The following KCTD20 variants were observed in gnomAD, a reference collection of about 807,000 sequenced individuals.
KCTD20 encodes BTB/POZ domain-containing protein KCTD20.
In KCTD20, 30 loss-of-function variants were observed where a neutral mutation model predicts 39.6. The ratio of observed to expected loss-of-function variants is 0.76; its 90% CI spans 0.57 to 1.03. The LOEUF (loss-of-function observed/expected upper bound fraction) is 1.03, where lower values mean the gene tolerates loss of function less well. KCTD20 is among the 50% of genes least tolerant of loss of function. KCTD20 has a pLI of 0.00. For synonymous variants in KCTD20, 162 were observed against 180.6 expected (o/e 0.90, Z 0.83); for missense variants, 422 against 522.0 (o/e 0.81, Z 1.87).
In KCTD20 at chr6:36,484,783, T is replaced by C; in HGVS notation, c.926T>C (p.Leu309Ser). 6.2e-7 allele frequency: 1 copy of C among 1,605,330 alleles called. No homozygotes were observed. The highest frequency in any genetic ancestry group is 1.7e-5 in the Admixed American group (1 of 59,588). Residue 309 changes from leucine to serine, a missense_variant, in exon 7 of 8, where the codon TTA becomes TCA. Physicochemically the swap from Leu to Ser is moderately radical, Grantham distance 145. Transcript: ENST00000373731. ...AATAGGGATGTTGCAAAAACAGTGT[T>C]AAAGGAACGGGGCCTAAAAAACATT... ...IENRDVAKTVLKERGLKNIRI... is the reference protein window; with the variant it reads ...IENRDVAKTVSKERGLKNIRI...
intron 1 of KCTD20, among the ~76,000 whole-genome samples, chr6:36,459,035 G>A (rs534486679): frequency 2.6e-5 from 4 of 152,288 alleles, no homozygotes; most frequent in East Asian, 1.9e-4. Context: ...GCTGGGCACC[G>A]TGGCCCACGC....
chr6:36,470,602 A>AT (rs1343768801), intron 2 of KCTD20, among the ~76,000 whole-genome samples: 4 of 151,666 alleles, frequency 2.6e-5, no homozygotes, highest in Non-Finnish European at 4.4e-5. Flanking sequence ...TTTATTTTTT[A>AT]TTTTTATTTT....
chr6:36,487,391 C>T lies in KCTD20; in HGVS notation c.*216C>T. 1 of 557,220 alleles carries T rather than the reference C, an allele frequency of 1.8e-6. No homozygotes were observed. The highest frequency in any genetic ancestry group is 3.1e-6 in the Non-Finnish European group (1 of 318,978). 34.5% of individuals were successfully genotyped at this position (557,220 alleles called of 1,614,324 possible). ...TGGTAATTAGCTACCATCTTTGCAG[C>T]AGCCCTGGTAACTTGAAAAATTTGG... On this transcript the variant is annotated 3_prime_UTR_variant, in exon 8 of 8. Transcript: ENST00000373731.
In KCTD20 at chr6:36,484,725, T is replaced by G; in HGVS notation, c.868T>G (p.Ser290Ala). The change falls in exon 7 of 8, where the codon TCC (serine) becomes GCC (alanine). Residue 290 changes from serine to alanine, a missense_variant. By Grantham distance (99) the Ser-to-Ala change is moderately conservative. Transcript: ENST00000373731. The stretch of plus-strand genomic sequence containing the variant: ...TTTTTCTTTTTCAGTTCTTTATAGC[T>G]CCAAGCTCTACAGATTCTTCAAATA... ...GEEYSQILYSSKLYRFFKYIE... is the reference protein window; with the variant it reads ...GEEYSQILYSAKLYRFFKYIE... 3 of 1,572,720 alleles carry G rather than the reference T, an allele frequency of 1.9e-6. No homozygotes were observed. Among genetic ancestry groups the G allele is most frequent in the East Asian group, 4.5e-5 (2 of 44,576 alleles).
chr6:36,452,030 CA>C (rs1221203743), intron 1 of KCTD20, among the ~76,000 whole-genome samples: 2 of 151,984 alleles, frequency 1.3e-5, no homozygotes, highest in Admixed American at 1.3e-4. Flanking sequence ...GGGCTGGTCT[CA>C]AACTCCTGAC....
chr6:36,459,494 C>G (rs751380481), intron 1 of KCTD20, among the ~76,000 whole-genome samples: 12 of 152,156 alleles, frequency 7.9e-5, no homozygotes, highest in Non-Finnish European at 1.6e-4. Context: ...TTGATGATGT[C>G]TTAGCGTCAA....
Position 36,484,842 on chromosome 6 carries a change from ATCCC to A in KCTD20, c.967+19_967+22del. The A allele has an allele frequency of 3.9e-6, 5 of 1,291,792 alleles. No homozygotes were observed. The highest frequency in any genetic ancestry group is 1.5e-5 in the African/African-American group (1 of 68,422). 80.0% of individuals were successfully genotyped at this position (1,291,792 alleles called of 1,614,324 possible). A position where few individuals can be genotyped will look rare whatever the true frequency, so the allele number is the denominator to read the frequency against. On this transcript the variant is annotated intron_variant, in intron 7 of 7. Coordinates refer to ENST00000373731, the MANE Select transcript of KCTD20 (RefSeq NM_173562.5). ...AATTGAAGGTAAAAAAAAAAAAAAAATCCCAGTCAACATTCAGGTTGGGTCTATT... is the reference window on the plus strand; with the variant it reads ...AATTGAAGGTAAAAAAAAAAAAAAAAAGTCAACATTCAGGTTGGGTCTATT...
At chr6:36,468,461 G>A (rs1231070848) in intron 1 of KCTD20, among the ~76,000 whole-genome samples, 1 of 152,182 alleles carries the variant, frequency 6.6e-6, no homozygotes, top group Non-Finnish European at 1.5e-5. Context: ...GTTTGAACTT[G>A]GTTCTTGAGC....
chr6:36,481,433 C>A (rs962801130), intron 5 of KCTD20, 129 bp from the exon 6 acceptor site: 2 of 689,958 alleles, frequency 2.9e-6, no homozygotes, highest in African/African-American at 3.5e-5. Flanking sequence ...GAAACAATCT[C>A]TTTGCCTTTA....
At chr6:36,478,813 G>A (rs1776149739) in intron 3 of KCTD20, among the ~76,000 whole-genome samples, 1 of 152,138 alleles carries the variant, frequency 6.6e-6, no homozygotes, top group African/African-American at 2.4e-5. Flanking sequence ...ATTTTCCAAG[G>A]GCCACCTCTG....
Position 36,456,578 on chromosome 6 carries a change from CTTTTTT to C in KCTD20, c.-46-13454_-46-13449del, listed in dbSNP as rs58002986. 7.0e-4 allele frequency among the ~76,000 whole-genome samples: 75 copies of C among 106,962 alleles called. 1 individual carries two copies. Among genetic ancestry groups the C allele is most frequent in the South Asian group, 1.2e-3 (4 of 3,386 alleles). 70.2% of individuals were successfully genotyped at this position (106,962 alleles called of 152,430 possible). ...ACAGGCCTGAGCCACCACGCCCAGG[CTTTTTT>C]TTTTTTTTTTTTTTTTTTTAAGAGC... On this transcript the variant is annotated intron_variant, in intron 1 of 7. Coordinates refer to ENST00000373731, the MANE Select transcript of KCTD20 (RefSeq NM_173562.5).
In KCTD20 at chr6:36,479,822, C is replaced by T. The variant is rs563828592; in HGVS notation, c.658+111C>T. The T allele has an allele frequency of 1.6e-3, 1,327 of 831,934 alleles. 3 individuals are homozygous for T. Among genetic ancestry groups the T allele is most frequent in the Non-Finnish European group, 2.1e-3 (1,226 of 594,174 alleles). The allele number at this position is 831,934 out of a possible 1,614,324, so 51.5% of individuals were successfully genotyped here. ...TTTTTTTTTTTTTGAGACAGAGTCTCGCTCTGTCGCCGAGGCTGGAGTGCA... is the reference window on the plus strand; with the variant it reads ...TTTTTTTTTTTTTGAGACAGAGTCTTGCTCTGTCGCCGAGGCTGGAGTGCA... On this transcript the variant is annotated intron_variant, in intron 5 of 7. Coordinates refer to ENST00000373731, the MANE Select transcript of KCTD20 (RefSeq NM_173562.5).
At chr6:36,448,013 G>GTATATATATATATATATATATA (rs10645937) in intron 1 of KCTD20, among the ~76,000 whole-genome samples, 105 of 128,908 alleles carry the variant, frequency 8.1e-4, no homozygotes, top group African/African-American at 2.1e-3. Flanking sequence ...GTATGTGTGT[G>GTATATATATATATATATATATA]TGTATATATA....
intron 1 of KCTD20, among the ~76,000 whole-genome samples, chr6:36,458,702 G>A (rs1775513552): frequency 6.6e-6 from 1 of 151,536 alleles, no homozygotes; most frequent in South Asian, 2.1e-4. Flanking sequence ...TTTAAAGAAG[G>A]CATTTTTGGC....
rs1247266779 is a variant in KCTD20, at chr6:36,481,682, T to C, written c.779T>C (p.Ile260Thr). The change falls in exon 6 of 8, where the codon ATT becomes ACT. Residue 260 changes from isoleucine to threonine, a missense_variant. By Grantham distance (89) the Ile-to-Thr change is moderately conservative. Coordinates refer to ENST00000373731, the MANE Select transcript of KCTD20 (RefSeq NM_173562.5). Reference protein sequence around the residue: ...CAKKGERECHIVVLTDEDSVD... With the variant: ...CAKKGERECHTVVLTDEDSVD... ...AAGAAAGGAGAACGAGAGTGCCACATTGTTGTGCTGACGGATGAGGATTCT... is the reference window on the plus strand; with the variant it reads ...AAGAAAGGAGAACGAGAGTGCCACACTGTTGTGCTGACGGATGAGGATTCT... 6.2e-7 allele frequency: 1 copy of C among 1,614,132 alleles called. No homozygotes were observed. Among genetic ancestry groups the C allele is most frequent in the South Asian group, 1.1e-5 (1 of 91,078 alleles).
rs779033072 is a variant in KCTD20 at position 36,470,168 on chromosome 6, C to T, written c.71C>T (p.Thr24Ile). The change falls in exon 2 of 8, where the codon ACT (threonine) becomes ATT (isoleucine). Residue 24 changes from threonine to isoleucine, a missense_variant. Physicochemically the swap from Thr to Ile is moderately conservative, Grantham distance 89 (BLOSUM62 -1). Coordinates refer to ENST00000373731, the MANE Select transcript of KCTD20 (RefSeq NM_173562.5). ...GAGGCCAGCTGCTTAGTGGATGATA[C>T]TTTAGCTGTAGCCCAAGAAAAAGAA... ...RQEASCLVDD[T>I]LAVAQEKEAN... is the part of the protein sequence containing the mutation. 6.2e-7 allele frequency: 1 copy of T among 1,614,052 alleles called. No individual in the cohort carries two copies. The highest frequency in any genetic ancestry group is 1.1e-5 in the South Asian group (1 of 91,076).
At position 36,474,782 on chromosome 6, in the gene KCTD20, C is replaced by T; in HGVS notation, c.161-7C>T. The T allele has an allele frequency of 6.3e-7, 1 of 1,591,250 alleles. No individual in the cohort carries two copies. Among genetic ancestry groups the T allele is most frequent in the Non-Finnish European group, 8.6e-7 (1 of 1,167,344 alleles). Reference sequence around the variant, plus strand: ...AGTTGTTTTGGTTTCTTTGTATGTTCTTTTAGACCTCTCACTTGACTATGC... The same window carrying T: ...AGTTGTTTTGGTTTCTTTGTATGTTTTTTTAGACCTCTCACTTGACTATGC... On this transcript the variant is annotated splice_region_variant and splice_polypyrimidine_tract_variant and intron_variant, in intron 2 of 7. Transcript: ENST00000373731.
chr6:36,475,794 A>G (rs1180873645), intron 3 of KCTD20, among the ~76,000 whole-genome samples: 5 of 152,186 alleles, frequency 3.3e-5, no homozygotes, highest in Admixed American at 2.6e-4. Context: ...GCATGGCACA[A>G]GAACAAAGCT....
Position 36,489,786 on chromosome 6 carries a change from G to A in KCTD20, c.*2611G>A, listed in dbSNP as rs1471779407. The A allele has an allele frequency of 6.6e-6, 1 of 152,094 alleles. No homozygotes were observed. The highest frequency in any genetic ancestry group is 1.5e-5 in the Non-Finnish European group (1 of 68,022). The allele number at this position is 152,094 out of a possible 1,614,324, so 9.4% of individuals were successfully genotyped here. The stretch of plus-strand genomic sequence containing the variant: ...TGTTGATATTTTAGCCAGAGAAATC[G>A]GCAAGCCAAGATTAACCCGAATCTG... On this transcript the variant is annotated 3_prime_UTR_variant, in exon 8 of 8. Coordinates refer to ENST00000373731, the MANE Select transcript of KCTD20 (RefSeq NM_173562.5).
Sources: allele counts gnomAD v4.1 joint callset (sites outside exome capture counted in the v4.1 genomes callset), GRCh38; gene constraint gnomAD v4.1.1; transcripts MANE v1.5; gene names NCBI Gene and HGNC (gene_info 2026-07-23, HGNC 2026-07-21).